The following ITGA9 variants were observed in gnomAD, a reference collection of about 807,000 sequenced individuals.
ITGA9 encodes the protein integrin alpha-9.
Under a neutral mutation model 127.8 loss-of-function variants are expected in ITGA9, and 56 were observed. That is an observed-to-expected ratio of 0.44 (90% CI 0.35 to 0.55). ITGA9 has a LOEUF of 0.55. Ranked by LOEUF, ITGA9 falls within the 20% of genes least tolerant of loss-of-function variation. The pLI is 0.00. For missense variants in ITGA9, 1,196 were observed against 1,347.1 expected (o/e 0.89, Z 1.76); for synonymous variants, 508 against 514.5 (o/e 0.99, Z 0.17).
At chr3:37,756,927 A>AT (rs2125540884) in intron 23 of ITGA9, among the ~76,000 whole-genome samples, 1 of 152,178 alleles carries the variant, frequency 6.6e-6, no homozygotes, top group African/African-American at 2.4e-5. Context: ...ACTTTTTAGA[A>AT]AAAAAAGAAA....
At chr3:37,588,209 G>A (rs1240256720) in intron 15 of ITGA9, among the ~76,000 whole-genome samples, 1 of 152,204 alleles carries the variant, frequency 6.6e-6, no homozygotes, top group East Asian at 1.9e-4. Context: ...ATCCTACCTT[G>A]ACAAATATAC....
intron 15 of ITGA9, among the ~76,000 whole-genome samples, chr3:37,576,804 G>A (rs561946840): frequency 5.9e-5 from 9 of 152,292 alleles, no homozygotes; most frequent in African/African-American, 1.7e-4. Context: ...CAGGGGTTTC[G>A]CCATGTTGCT....
intron 15 of ITGA9, among the ~76,000 whole-genome samples, chr3:37,593,900 T>C (rs1048446014): frequency 8.4e-6 from 1 of 119,566 alleles, no homozygotes; most frequent in African/African-American, 3.1e-5. Flanking sequence ...TTGGCCTCTT[T>C]GCTTTAGGAT....
At position 37,513,856 on chromosome 3, in the gene ITGA9, A is replaced by G. The variant is rs1052951468; in HGVS notation, c.991A>G (p.Ile331Val). The G allele has an allele frequency of 1.9e-6, 3 of 1,613,736 alleles. No individual in the cohort carries two copies. Among genetic ancestry groups the G allele is most frequent in the Non-Finnish European group, 2.5e-6 (3 of 1,180,012 alleles). Residue 331 changes from isoleucine (I) to valine (V), a missense_variant, in exon 9 of 28, where the codon ATC becomes GTC. Physicochemically the swap from Ile to Val is conservative, Grantham distance 29. Coordinates refer to ENST00000264741, the MANE Select transcript of ITGA9 (RefSeq NM_002207.3). ...GGTGGGGGCCCCCATGTTTTCTGAG[A>G]TCAGGGATGAGGGACAGGTCACTGT... ...LLVGAPMFSE[I>V]RDEGQVTVYI...
chr3:37,695,054 A>G (rs1700870418), intron 18 of ITGA9, among the ~76,000 whole-genome samples: 1 of 152,128 alleles, frequency 6.6e-6, no homozygotes, highest in East Asian at 1.9e-4. Flanking sequence ...CTGATGCTGC[A>G]AGGGGGATCA....
intron 15 of ITGA9, among the ~76,000 whole-genome samples, chr3:37,627,372 G>T (rs1443006348): frequency 6.6e-6 from 1 of 152,022 alleles, no homozygotes; most frequent in Non-Finnish European, 1.5e-5. Context: ...CATCATGGCC[G>T]TCTCCTCTCT....
chr3:37,697,307 GTTATTA>G (rs143332603), intron 18 of ITGA9, among the ~76,000 whole-genome samples: 40,845 of 143,380 alleles, frequency 0.28, 5,966 homozygotes, highest in East Asian at 0.39. Flanking sequence ...GACTACTTCT[GTTATTA>G]TTATTATTAT....
At chr3:37,558,615 G>T (rs568661671) in intron 15 of ITGA9, among the ~76,000 whole-genome samples, 2 of 152,240 alleles carry the variant, frequency 1.3e-5, no homozygotes, top group South Asian at 4.1e-4. Context: ...TTCCGATTTG[G>T]ATGGCACCCT....
intron 11 of ITGA9, among the ~76,000 whole-genome samples, chr3:37,522,155 C>T (rs1310269732): frequency 2.0e-5 from 3 of 152,002 alleles, no homozygotes; most frequent in African/African-American, 7.3e-5. Flanking sequence ...TAGCTGTAAA[C>T]CTGGTTCTAT....
At chr3:37,617,158 G>T (rs930235874) in intron 15 of ITGA9, among the ~76,000 whole-genome samples, 13 of 152,272 alleles carry the variant, frequency 8.5e-5, no homozygotes, top group African/African-American at 3.1e-4. Context: ...GGCAGGCCTG[G>T]TGGTGACAAA....
At chr3:37,495,648 G>C (rs1698720409) in intron 5 of ITGA9, among the ~76,000 whole-genome samples, 1 of 152,114 alleles carries the variant, frequency 6.6e-6, no homozygotes, top group Non-Finnish European at 1.5e-5. Context: ...TCACCTGGAG[G>C]TACACTGGCC....
chr3:37,778,646 C>T (rs1476297691), intron 24 of ITGA9, among the ~76,000 whole-genome samples: 1 of 151,718 alleles, frequency 6.6e-6, no homozygotes, highest in Non-Finnish European at 1.5e-5. Context: ...TAAAGACACA[C>T]ACTTCAGATT....
chr3:37,770,310 T>A (rs1268571967), intron 23 of ITGA9, among the ~76,000 whole-genome samples: 2 of 152,174 alleles, frequency 1.3e-5, no homozygotes, highest in Admixed American at 6.5e-5. Context: ...GATGGGACCA[T>A]AAGCGATTTC....
intron 15 of ITGA9, among the ~76,000 whole-genome samples, chr3:37,582,314 G>C (rs116711443): frequency 0.016 from 2,510 of 152,298 alleles, 25 homozygotes; most frequent in Non-Finnish European, 0.023. Flanking sequence ...GCTTGTCAGA[G>C]AACCTGTTGA....
At chr3:37,719,172 G>A (rs1017268282) in intron 18 of ITGA9, among the ~76,000 whole-genome samples, 3 of 152,196 alleles carry the variant, frequency 2.0e-5, no homozygotes, top group Non-Finnish European at 4.4e-5. Flanking sequence ...CTAGGTAAGA[G>A]GAGATTGGAG....
intron 15 of ITGA9, among the ~76,000 whole-genome samples, chr3:37,627,271 A>G (rs911270429): frequency 1.3e-5 from 2 of 152,168 alleles, no homozygotes; most frequent in African/African-American, 2.4e-5. Flanking sequence ...CCCGGGAGTC[A>G]TCTGTCCCCT....
chr3:37,644,649 A>C (rs1700361191), intron 16 of ITGA9, among the ~76,000 whole-genome samples: 1 of 152,164 alleles, frequency 6.6e-6, no homozygotes, highest in Non-Finnish European at 1.5e-5. Context: ...CCATGGAGTA[A>C]AAAAAACACC....
intron 18 of ITGA9, among the ~76,000 whole-genome samples, chr3:37,724,540 G>A (rs1169385804): frequency 6.6e-6 from 1 of 152,108 alleles, no homozygotes; most frequent in Non-Finnish European, 1.5e-5. Context: ...TTGTTGCCCA[G>A]CCTAGAGTGC....
At chr3:37,550,480 C>T (rs1699368391) in intron 15 of ITGA9, among the ~76,000 whole-genome samples, 1 of 152,166 alleles carries the variant, frequency 6.6e-6, no homozygotes, top group Non-Finnish European at 1.5e-5. Context: ...GGGGACATGA[C>T]TTTTGTAGCA....
Sources: allele counts gnomAD v4.1 joint callset (sites outside exome capture counted in the v4.1 genomes callset), GRCh38; gene constraint gnomAD v4.1.1; transcripts MANE v1.5; gene names NCBI Gene and HGNC (gene_info 2026-07-23, HGNC 2026-07-21).